KATNB1: variants seen among roughly 807,000 people sequenced by gnomAD.
KATNB1 encodes the protein katanin regulatory subunit B1.
In KATNB1, 38 loss-of-function variants were observed where a neutral mutation model predicts 82.3. The ratio of observed to expected loss-of-function variants is 0.46; its 90% CI spans 0.36 to 0.61. The LOEUF (loss-of-function observed/expected upper bound fraction) is 0.61, where lower values mean the gene tolerates loss of function less well. Among genes scored for constraint, KATNB1 ranks in the 20% least tolerant of loss-of-function variants. KATNB1 has a pLI of 0.00. For synonymous variants in KATNB1, 361 were observed against 368.7 expected, an observed-to-expected ratio of 0.98 and a Z score of 0.24; for missense variants, 749 against 915.7, an observed-to-expected ratio of 0.82 and a Z score of 2.35.
rs782615365 is a variant in KATNB1 at position 57,751,972 on chromosome 16, T to A, written c.549T>A (p.Ser183=). The A allele has an allele frequency of 6.2e-7, 1 of 1,613,822 alleles. No individual in the cohort carries two copies. The highest frequency in any genetic ancestry group is 1.1e-5 in the South Asian group (1 of 91,058). The change falls in exon 8 of 20, where the codon TCT becomes TCA. Residue 183 remains serine (S), a synonymous_variant. Coordinates refer to ENST00000379661, the MANE Select transcript of KATNB1 (RefSeq NM_005886.3). The surrounding 1 kb of genome is among the most constrained non-coding windows in gnomAD (Gnocchi z 6.3). ...LWDLTAGKMM[S]EFPGHTGPVN... ...ATCTCACTGCCGGCAAGATGATGTC[T>A]GAGTTCCCTGGTCACACGGGGCCTG... is the stretch of plus-strand genomic sequence containing the variant.
chr16:57,740,259 C>T (rs77038391), intron 2 of KATNB1, among the ~76,000 whole-genome samples: 14,170 of 152,216 alleles, frequency 0.093, 848 homozygotes, highest in African/African-American at 0.15. Context: ...CCCTTGCTGG[C>T]GCTGCTGCCT....
intron 2 of KATNB1, among the ~76,000 whole-genome samples, chr16:57,738,014 A>G (rs1414016482): frequency 6.6e-6 from 1 of 152,244 alleles, no homozygotes; most frequent in Non-Finnish European, 1.5e-5. Context: ...ATGAGAGTGC[A>G]AAAGGCAGAT....
chr16:57,744,638 C>A (rs2967153), intron 4 of KATNB1, 127 bp downstream of exon 4: 20 of 773,294 alleles, frequency 2.6e-5, no homozygotes, highest in African/African-American at 1.0e-4. Flanking sequence ...AGCACTAACC[C>A]GGCAGTGTGG....
chr16:57,739,146 C>T (rs1248249345), intron 2 of KATNB1, among the ~76,000 whole-genome samples: 7 of 152,144 alleles, frequency 4.6e-5, no homozygotes, highest in Admixed American at 4.6e-4. Context: ...CCTGAGGCTG[C>T]CGTGCTTTAT....
rs782388680 is a variant in KATNB1 at position 57,756,970 on chromosome 16, C to T, written c.*24C>T. 4.7e-6 allele frequency: 7 copies of T among 1,491,286 alleles called. No individual in the cohort carries two copies. Among genetic ancestry groups the T allele is most frequent in the African/African-American group, 1.4e-5 (1 of 71,514 alleles). The allele number at this position is 1,491,286 out of a possible 1,614,324, so 92.4% of individuals were successfully genotyped here. ...GAGGAAAGCAGTGGGCAGGGGCGCT[C>T]GGCAGCCCACAGGGCCTGGCCTCAG... On this transcript the variant is annotated 3_prime_UTR_variant, in exon 20 of 20. Coordinates refer to ENST00000379661, the MANE Select transcript of KATNB1 (RefSeq NM_005886.3).
Position 57,753,112 on chromosome 16 carries a change from C to T in KATNB1, c.891C>T (p.Ser297=). ...GVAFSQSNVS[S]YVVDLTRVTR... ...CCTTCTCCCAGAGCAACGTCTCCTC[C>T]TACGTGGTGGATCTGACGCGTGTCA... The change falls in exon 11 of 20, where the codon TCC becomes TCT. Residue 297 remains serine, a synonymous_variant. Coordinates refer to ENST00000379661, the MANE Select transcript of KATNB1 (RefSeq NM_005886.3). The T allele has an allele frequency of 6.2e-7, 1 of 1,609,850 alleles. No individual in the cohort carries two copies. Among genetic ancestry groups the T allele is most frequent in the Non-Finnish European group, 8.5e-7 (1 of 1,178,556 alleles).
chr16:57,751,452 T>C lies in KATNB1; in HGVS notation c.432+150T>C, dbSNP rs1235313232. 2 of 989,608 alleles carry C rather than the reference T, an allele frequency of 2.0e-6. No individual in the cohort carries two copies. Among genetic ancestry groups the C allele is most frequent in the African/African-American group, 3.2e-5 (2 of 62,646 alleles). 61.3% of individuals were successfully genotyped at this position (989,608 alleles called of 1,614,324 possible). A position where few individuals can be genotyped will look rare whatever the true frequency, so the allele number is the denominator to read the frequency against. ...GACCTGGAGCTGAGCAGGAGCGCCATGGGCGGCCCACCTGGATCCCCTGGC... is the reference window on the plus strand; with the variant it reads ...GACCTGGAGCTGAGCAGGAGCGCCACGGGCGGCCCACCTGGATCCCCTGGC... On this transcript the variant is annotated intron_variant, in intron 6 of 19. Coordinates refer to ENST00000379661, the MANE Select transcript of KATNB1 (RefSeq NM_005886.3). The surrounding 1 kb of genome is among the most constrained non-coding windows in gnomAD (Gnocchi z 6.3).
chr16:57,753,429 A>G lies in KATNB1; in HGVS notation c.1087A>G (p.Ser363Gly), dbSNP rs1555584387. 1.9e-6 allele frequency: 3 copies of G among 1,605,494 alleles called. No homozygotes were observed. The highest frequency in any genetic ancestry group is 4.5e-5 in the East Asian group (2 of 44,316). Residue 363 changes from serine (S) to glycine (G), a missense_variant, in exon 12 of 20, where the codon AGC (serine) becomes GGC (glycine). Transcript: ENST00000379661. ...NSESERRSPSSEDDRDERESR... is the reference protein window; with the variant it reads ...NSESERRSPSGEDDRDERESR... ...AGAGAGCGAGCGCCGCAGCCCCAGC[A>G]GCGAGGATGACCGGGACGAGCGCGA... is the stretch of plus-strand genomic sequence containing the variant.
At chr16:57,746,354 CT>C (rs2049184172) in intron 4 of KATNB1, among the ~76,000 whole-genome samples, 1 of 148,220 alleles carries the variant, frequency 6.7e-6, no homozygotes, top group Non-Finnish European at 1.5e-5. Context: ...TCCTTCCTCT[CT>C]CTCTCTCTTT....
intron 3 of KATNB1, among the ~76,000 whole-genome samples, chr16:57,742,693 G>T (rs576537685): frequency 3.3e-5 from 5 of 152,232 alleles, no homozygotes; most frequent in African/African-American, 1.2e-4. Flanking sequence ...GGGATGAGCC[G>T]TAATTAGCTT....
At chr16:57,749,086 A>G (rs1218705566) in intron 4 of KATNB1, among the ~76,000 whole-genome samples, 1 of 152,206 alleles carries the variant, frequency 6.6e-6, no homozygotes, top group African/African-American at 2.4e-5. Flanking sequence ...AAGTATCCAG[A>G]CCCAGCTCCA....
At chr16:57,755,732 C>T in intron 16 of KATNB1, 109 bp from the exon 17 acceptor site, 1 of 1,096,818 alleles carries the variant, frequency 9.1e-7, no homozygotes, top group Non-Finnish European at 1.3e-6. Context: ...TGCTGAATAC[C>T]CACAGCCCCA....
intron 13 of KATNB1, among the ~76,000 whole-genome samples, chr16:57,754,650 C>T (rs1284064744): frequency 6.6e-6 from 1 of 152,180 alleles, no homozygotes; most frequent in Non-Finnish European, 1.5e-5. Context: ...CATCCCAGCC[C>T]CCTCCACATA....
intron 4 of KATNB1, among the ~76,000 whole-genome samples, chr16:57,745,928 T>G (rs1482301757): frequency 6.6e-6 from 1 of 152,176 alleles, no homozygotes; most frequent in African/African-American, 2.4e-5. Context: ...TCAGAGCCTC[T>G]CCTCTGGTCC....
intron 3 of KATNB1, among the ~76,000 whole-genome samples, chr16:57,742,916 A>G (rs2049153146): frequency 6.6e-6 from 1 of 152,232 alleles, no homozygotes; most frequent in South Asian, 2.1e-4. Flanking sequence ...GCAGCATCGG[A>G]ACCTGCCCTT....
At position 57,753,067 on chromosome 16, in the gene KATNB1, C is replaced by T. The variant is rs781999789; in HGVS notation, c.856-10C>T. 3 of 1,596,690 alleles carry T rather than the reference C, an allele frequency of 1.9e-6. No homozygotes were observed. The highest frequency in any genetic ancestry group is 2.2e-5 in the South Asian group (2 of 90,360). The stretch of plus-strand genomic sequence containing the variant: ...TTGCAGTCCCAGCCCCACCTCTCCG[C>T]TTTCTGCAGATAGGTGTGGCCTTCT... On this transcript the variant is annotated splice_polypyrimidine_tract_variant and intron_variant, in intron 10 of 19. Transcript: ENST00000379661.
At position 57,751,521 on chromosome 16, in the gene KATNB1, G is replaced by C; in HGVS notation, c.433-120G>C. 1 of 1,067,988 alleles carries C rather than the reference G, an allele frequency of 9.4e-7. No homozygotes were observed. The highest frequency in any genetic ancestry group is 1.3e-5 in the South Asian group (1 of 77,732). 66.2% of individuals were successfully genotyped at this position (1,067,988 alleles called of 1,614,324 possible). A position where few individuals can be genotyped will look rare whatever the true frequency, so the allele number is the denominator to read the frequency against. The stretch of plus-strand genomic sequence containing the variant: ...AGCCACGTTCATCAAACTGCTCCAA[G>C]CAGAACCAGGCGGGTAACCAGTGTT... On this transcript the variant is annotated intron_variant, in intron 6 of 19. Coordinates refer to ENST00000379661, the MANE Select transcript of KATNB1 (RefSeq NM_005886.3). The surrounding 1 kb of genome is among the most constrained non-coding windows in gnomAD (Gnocchi z 6.3).
intron 16 of KATNB1, 146 bp downstream of exon 16, chr16:57,755,640 CCAT>C (rs573972982): frequency 3.5e-4 from 393 of 1,117,182 alleles, no homozygotes; most frequent in Non-Finnish European, 4.2e-4. Flanking sequence ...TCTGTTTCCG[CCAT>C]CATCATCATC....
chr16:57,755,861 G>A lies in KATNB1; in HGVS notation c.1587G>A (p.Val529=). 2 of 1,594,030 alleles carry A rather than the reference G, an allele frequency of 1.3e-6. No individual in the cohort carries two copies. The highest frequency in any genetic ancestry group is 1.7e-6 in the Non-Finnish European group (2 of 1,164,580). The change falls in exon 17 of 20, where the codon GTG becomes GTA. Residue 529 remains valine, a synonymous_variant. Coordinates refer to ENST00000379661, the MANE Select transcript of KATNB1 (RefSeq NM_005886.3). ...CACAGACGTCGGTGGACTCCGCTGT[G>A]GCCATCAACGACCTGTCGGTGGTGG... ...GDIKTSVDSA[V]AINDLSVVVD...
Sources: allele counts gnomAD v4.1 joint callset (sites outside exome capture counted in the v4.1 genomes callset), GRCh38; gene constraint gnomAD v4.1.1; non-coding constraint Gnocchi (gnomAD v3.1); transcripts MANE v1.5; gene names NCBI Gene and HGNC (gene_info 2026-07-23, HGNC 2026-07-21).